Variants in DNAAF9 observed in about 807,000 individuals in gnomAD.
DNAAF9 encodes the protein dynein axonemal assembly factor 9, also known as shulin.
DNAAF9 carries 90 observed loss-of-function variants against 167.0 expected under a neutral mutation model. The ratio of observed to expected loss-of-function variants is 0.54; its 90% CI spans 0.45 to 0.64. DNAAF9 has a LOEUF of 0.64. Ranked by LOEUF, DNAAF9 falls within the 30% of genes least tolerant of loss-of-function variation. The pLI, the probability that DNAAF9 is intolerant of heterozygous loss-of-function variation, is 0.00. For synonymous variants in DNAAF9, 491 were observed against 508.8 expected (o/e 0.96, Z 0.47); for missense variants, 1,315 against 1,442.2 (o/e 0.91, Z 1.43).
chr20:3,311,396 G>A (rs914146067), intron 20 of DNAAF9, among the ~76,000 whole-genome samples: 14 of 152,062 alleles, frequency 9.2e-5, no homozygotes, highest in African/African-American at 3.4e-4. Context: ...AAAGTGCTGG[G>A]ATTACAGATG....
At chr20:3,386,814 A>G (rs1175778494) in intron 1 of DNAAF9, among the ~76,000 whole-genome samples, 1 of 152,184 alleles carries the variant, frequency 6.6e-6, no homozygotes, top group Admixed American at 6.5e-5. Context: ...TAAAGAAACA[A>G]TTTGTCAAAG....
In DNAAF9 at chr20:3,279,998, G is replaced by A. The variant is rs184201500; in HGVS notation, c.2613-1049C>T. On this transcript the variant is annotated intron_variant, in intron 28 of 36. Coordinates refer to ENST00000252032, the MANE Select transcript of DNAAF9 (RefSeq NM_001009984.3). The stretch of plus-strand genomic sequence containing the variant: ...ATCTTCATCCTTTTATTTGATTTCT[G>A]ACAACAGCCAGTCACACATCATTTG... 2.6e-5 allele frequency among the ~76,000 whole-genome samples: 4 copies of A among 152,308 alleles called. No homozygotes were observed. The East Asian group carries it at 7.7e-4, about 29-fold the overall frequency.
rs997406762 is a variant in DNAAF9, at chr20:3,368,144, C to A, written c.612+5904G>T. On this transcript the variant is annotated intron_variant, in intron 6 of 36. Transcript: ENST00000252032. ...GTATTCTGCTGAGTACCGACTGGGG[C>A]AAGGGGAATCTTTGGACGGTTCTTT... Among the ~76,000 whole-genome samples, 6 of 152,134 alleles carry A rather than the reference C, an allele frequency of 3.9e-5. No homozygotes were observed. In the East Asian group the frequency reaches 5.8e-4, roughly 15 times the overall value.
intron 3 of DNAAF9, among the ~76,000 whole-genome samples, chr20:3,378,672 A>AGGCACACGCATAGG (rs1025003612): frequency 1.2e-4 from 18 of 152,194 alleles, no homozygotes; most frequent in Admixed American, 7.2e-4. Flanking sequence ...GAGGTAAGAA[A>AGGCACACGCATAGG]GGCACACGCA....
chr20:3,279,653 G>A (rs1001172230), intron 28 of DNAAF9, among the ~76,000 whole-genome samples: 3 of 152,242 alleles, frequency 2.0e-5, no homozygotes, highest in Admixed American at 2.0e-4. Flanking sequence ...AAGGCACTGT[G>A]CAGGCAGTTC....
rs568067310 is a variant in DNAAF9, at chr20:3,384,393, T to C, written c.84-1887A>G. The C allele has an allele frequency of 2.0e-5, 3 of 152,296 alleles. No individual in the cohort carries two copies. The East Asian group carries it at 5.8e-4, about 29-fold the overall frequency. The allele number at this position is 152,296 out of a possible 1,614,324, so 9.4% of individuals were successfully genotyped here. ...AACTGCCATTCGTCACTGATGACTG[T>C]TTTCTTCCTCTGGGAGAGTAAGAGG... On this transcript the variant is annotated intron_variant, in intron 1 of 36. Coordinates refer to ENST00000252032, the MANE Select transcript of DNAAF9 (RefSeq NM_001009984.3).
intron 7 of DNAAF9, among the ~76,000 whole-genome samples, chr20:3,355,748 T>G (rs1404186881): frequency 6.6e-6 from 1 of 152,166 alleles, no homozygotes; most frequent in Non-Finnish European, 1.5e-5. Flanking sequence ...CCCTACTTCA[T>G]AGAATATTAT....
intron 25 of DNAAF9, among the ~76,000 whole-genome samples, chr20:3,292,190 C>A (rs1242389460): frequency 6.6e-6 from 1 of 151,852 alleles, no homozygotes; most frequent in African/African-American, 2.4e-5. Flanking sequence ...AGTAGAGGCG[C>A]GGTTTCACCT....
chr20:3,350,409 A>G (rs2070299012), intron 7 of DNAAF9, among the ~76,000 whole-genome samples: 1 of 152,122 alleles, frequency 6.6e-6, no homozygotes, highest in Non-Finnish European at 1.5e-5. Flanking sequence ...ACAAAAAAAA[A>G]TGTGTGTGTG....
intron 22 of DNAAF9, 58 bp from the exon 23 acceptor site, chr20:3,297,007 G>T: frequency 2.2e-6 from 2 of 914,120 alleles, no homozygotes; most frequent in Non-Finnish European, 3.6e-6. Context: ...GGATATGGAA[G>T]CCACATGGGG....
intron 6 of DNAAF9, among the ~76,000 whole-genome samples, chr20:3,364,304 C>A (rs1305371771): frequency 6.6e-6 from 1 of 152,136 alleles, no homozygotes; most frequent in African/African-American, 2.4e-5. Flanking sequence ...ATGCCAGACA[C>A]CATGAATTTT....
chr20:3,340,390 G>A (rs1468507023), intron 10 of DNAAF9, 114 bp downstream of exon 10: 1 of 850,440 alleles, frequency 1.2e-6, no homozygotes, highest in African/African-American at 1.7e-5. Context: ...CAAATTCAGG[G>A]TTAAATCAAC....
chr20:3,330,748 T>A, intron 11 of DNAAF9, 66 bp from the exon 12 acceptor site: 1 of 897,326 alleles, frequency 1.1e-6, no homozygotes, highest in Non-Finnish European at 1.8e-6. Flanking sequence ...ACAAGGAAGC[T>A]AGAAATGCTT....
intron 31 of DNAAF9, among the ~76,000 whole-genome samples, chr20:3,262,720 C>T (rs554889821): frequency 2.4e-4 from 36 of 152,260 alleles, no homozygotes; most frequent in African/African-American, 7.9e-4. Flanking sequence ...CCCAGAGGTT[C>T]AGGCAGCAAG....
At chr20:3,395,758 T>C (rs773151065) in intron 1 of DNAAF9, among the ~76,000 whole-genome samples, 15 of 152,236 alleles carry the variant, frequency 9.9e-5, no homozygotes, top group Non-Finnish European at 1.9e-4. Flanking sequence ...TGTCAAGTTT[T>C]ATATTTTTAT....
At chr20:3,382,634 G>C in intron 1 of DNAAF9, 128 bp from the exon 2 acceptor site, 1 of 714,494 alleles carries the variant, frequency 1.4e-6, no homozygotes, top group South Asian at 1.6e-5. Flanking sequence ...ATTGATTCTT[G>C]TCTGGTTCTG....
chr20:3,369,383 T>TC (rs1373087818), intron 6 of DNAAF9, among the ~76,000 whole-genome samples: 40 of 151,906 alleles, frequency 2.6e-4, no homozygotes, highest in African/African-American at 8.2e-4. Context: ...AAGTTAACTT[T>TC]TTTTTTTTTT....
intron 31 of DNAAF9, among the ~76,000 whole-genome samples, chr20:3,263,459 G>T (rs6037520): frequency 0.57 from 86,479 of 151,990 alleles, 24,664 homozygotes; most frequent in Admixed American, 0.6. Context: ...AATTGTCCAT[G>T]CTATACAGGA....
At position 3,340,550 on chromosome 20, in the gene DNAAF9, T is replaced by C. The variant is rs1323606070; in HGVS notation, c.935A>G (p.His312Arg). 7 of 1,608,554 alleles carry C rather than the reference T, an allele frequency of 4.4e-6. No individual in the cohort carries two copies. The highest frequency in any genetic ancestry group is 5.1e-6 in the Non-Finnish European group (6 of 1,177,606). ...GCCGGGACCAGTGCTTCGTACCAGA[T>C]GTCCTTCAGAAGGGAAGTTAAAGTT... ...AGNFNFPSEGHLVRSTGPGGS... is the reference protein window; with the variant it reads ...AGNFNFPSEGRLVRSTGPGGS... Residue 312 changes from histidine to arginine, a missense_variant, in exon 10 of 37, where the codon CAT becomes CGT. Around this residue, in one of 2 missense-constraint regions of DNAAF9, gnomAD observed 981 missense variants for 1,012.5 expected, o/e 0.97. Coordinates refer to ENST00000252032, the MANE Select transcript of DNAAF9 (RefSeq NM_001009984.3).
Sources: gnomAD v4.1 joint callset for allele counts (sites outside exome capture counted in the v4.1 genomes callset) on GRCh38, gnomAD v4.1.1 for gene constraint, gnomAD v4.1.1 regional missense constraint, MANE v1.5 for transcripts, NCBI Gene and HGNC (gene_info 2026-07-23, HGNC 2026-07-21) for gene names.